The following DGKB variants were observed in gnomAD, a reference collection of about 807,000 sequenced individuals.
DGKB encodes the protein diacylglycerol kinase beta, also known as 90 kDa diacylglycerol kinase.
In DGKB, 67 loss-of-function variants were observed where a neutral mutation model predicts 114.3. The ratio of observed to expected loss-of-function variants is 0.59; its 90% CI spans 0.48 to 0.72. The LOEUF is 0.72. DGKB is among the 30% of genes least tolerant of loss of function. The pLI is 0.00. For synonymous variants in DGKB, 398 were observed against 323.1 expected (o/e 1.23, Z -2.49); for missense variants, 907 against 975.2 (o/e 0.93, Z 0.93).
At chr7:14,445,575 G>A (rs190550145) in intron 21 of DGKB, among the ~76,000 whole-genome samples, 3 of 152,034 alleles carry the variant, frequency 2.0e-5, no homozygotes, top group African/African-American at 4.8e-5. Flanking sequence ...GTAATAACAC[G>A]AAGGTAAAAT....
intron 24 of DGKB, among the ~76,000 whole-genome samples, 180 bp from the exon 25 acceptor site, chr7:14,177,079 A>T (rs944050482): frequency 6.6e-6 from 1 of 152,216 alleles, no homozygotes; most frequent in African/African-American, 2.4e-5. Context: ...AAAGTACCTT[A>T]GTCACAGGAA....
intron 21 of DGKB, among the ~76,000 whole-genome samples, chr7:14,373,789 T>C (rs970872632): frequency 2.0e-5 from 3 of 152,110 alleles, no homozygotes; most frequent in African/African-American, 4.8e-5. Context: ...CCCACTAGTA[T>C]TTTCTACTTT....
chr7:14,962,566 T>C (rs576178936), intron 1 of DGKB, among the ~76,000 whole-genome samples: 2 of 152,116 alleles, frequency 1.3e-5, no homozygotes, highest in Non-Finnish European at 2.9e-5. Context: ...TATCTACCTG[T>C]GCTTTCACAT....
chr7:14,256,030 T>A (rs1017661349), intron 23 of DGKB, among the ~76,000 whole-genome samples: 3 of 152,252 alleles, frequency 2.0e-5, no homozygotes, highest in African/African-American at 7.2e-5. Flanking sequence ...TGTTCTCTTA[T>A]GATTCTCCTC....
chr7:14,503,922 T>C (rs1270110938), intron 20 of DGKB, among the ~76,000 whole-genome samples: 3 of 152,204 alleles, frequency 2.0e-5, no homozygotes, highest in African/African-American at 7.2e-5. Context: ...CTAAACTAGC[T>C]ATTAACAAGT....
chr7:14,786,973 T>C (rs1839993906), intron 2 of DGKB, among the ~76,000 whole-genome samples: 1 of 152,210 alleles, frequency 6.6e-6, no homozygotes, highest in Admixed American at 6.5e-5. Flanking sequence ...ATCAGGATGA[T>C]CTGACTGTGG....
At chr7:14,328,585 G>A (rs12699603) in intron 23 of DGKB, among the ~76,000 whole-genome samples, 52,405 of 151,770 alleles carry the variant, frequency 0.35, 9,846 homozygotes, top group African/African-American at 0.5. Flanking sequence ...ATCTCTCAAC[G>A]AGGAGCAATC....
At chr7:14,951,697 A>T (rs75240192) in intron 1 of DGKB, among the ~76,000 whole-genome samples, 188 of 152,162 alleles carry the variant, frequency 1.2e-3, no homozygotes, top group African/African-American at 3.9e-3. Context: ...CTCATCAATT[A>T]TAAAAAAATT....
At chr7:14,176,400 A>C in intron 25 of DGKB, 1 of 985,572 alleles carries the variant, frequency 1.0e-6, no homozygotes, top group Non-Finnish European at 1.2e-6. Context: ...CTTATGGAGA[A>C]GAAAGCCCTC....
intron 21 of DGKB, among the ~76,000 whole-genome samples, chr7:14,419,776 T>C (rs567236507): frequency 6.6e-6 from 1 of 152,084 alleles, no homozygotes; most frequent in African/African-American, 2.4e-5. Context: ...AGATATAAAC[T>C]ATGTGACAAA....
intron 6 of DGKB, 143 bp downstream of exon 6, chr7:14,718,399 G>T: frequency 1.7e-6 from 1 of 586,658 alleles, no homozygotes; most frequent in Non-Finnish European, 2.7e-6. Context: ...ATCCTCAGCA[G>T]GAGGAAATTT....
At chr7:14,667,548 A>T (rs1474458637) in intron 13 of DGKB, among the ~76,000 whole-genome samples, 1 of 152,072 alleles carries the variant, frequency 6.6e-6, no homozygotes, top group Non-Finnish European at 1.5e-5. Context: ...ACTGGGGCAT[A>T]CAATTTCTTA....
At chr7:14,192,019 C>T (rs1784387210) in intron 23 of DGKB, 1 of 502,880 alleles carries the variant, frequency 2.0e-6, no homozygotes, top group Non-Finnish European at 3.7e-6. Context: ...TCTGACTATC[C>T]TCTGAGTCAT....
At chr7:14,835,036 G>A (rs1846960041) in intron 2 of DGKB, among the ~76,000 whole-genome samples, 1 of 152,122 alleles carries the variant, frequency 6.6e-6, no homozygotes, top group Non-Finnish European at 1.5e-5. Context: ...AGCCAGAGAT[G>A]AGGCAAAAGA....
chr7:14,633,613 T>C (rs910856829), intron 13 of DGKB, among the ~76,000 whole-genome samples: 8 of 151,882 alleles, frequency 5.3e-5, no homozygotes, highest in African/African-American at 1.9e-4. Flanking sequence ...CTGTACTTAA[T>C]TTTTAAATAT....
At chr7:14,753,852 A>G in intron 4 of DGKB, 76 bp downstream of exon 4, 1 of 913,822 alleles carries the variant, frequency 1.1e-6, no homozygotes, top group Non-Finnish European at 1.8e-6. Context: ...GTTCAGTGAT[A>G]TGGATGAGAA....
At chr7:14,305,183 T>C (rs1232440552) in intron 23 of DGKB, among the ~76,000 whole-genome samples, 2 of 152,156 alleles carry the variant, frequency 1.3e-5, no homozygotes, top group East Asian at 3.9e-4. Flanking sequence ...TGATAAATTA[T>C]TGTTAACTCT....
rs1564034423 is a variant in DGKB at position 14,729,403 on chromosome 7, C to CGT, written c.322+6637_322+6638insAC. Among the ~76,000 whole-genome samples, 3 of 152,180 alleles carry CGT rather than the reference C, an allele frequency of 2.0e-5. No homozygotes were observed. The East Asian group carries it at 5.8e-4, about 29-fold the overall frequency. On this transcript the variant is annotated intron_variant, in intron 5 of 25. Coordinates refer to ENST00000402815, the MANE Select transcript of DGKB (RefSeq NM_001350709.2). Reference sequence around the variant, plus strand: ...TCCCAAAGTGCTGGGATTACAGGCACGAGCCATCATTTTGCTCACTGATGT... The same window carrying CGT: ...TCCCAAAGTGCTGGGATTACAGGCACGTGAGCCATCATTTTGCTCACTGATGT...
intron 23 of DGKB, among the ~76,000 whole-genome samples, chr7:14,201,007 G>A (rs1241908966): frequency 6.6e-6 from 1 of 152,010 alleles, no homozygotes; most frequent in African/African-American, 2.4e-5. Flanking sequence ...CATTTAGGGA[G>A]TTGTGGAAGA....
Sources: gnomAD v4.1 joint callset for allele counts (sites outside exome capture counted in the v4.1 genomes callset) on GRCh38, gnomAD v4.1.1 for gene constraint, MANE v1.5 for transcripts, NCBI Gene and HGNC (gene_info 2026-07-23, HGNC 2026-07-21) for gene names.